PTPRD: variants seen among roughly 807,000 people sequenced by gnomAD.
PTPRD encodes receptor-type tyrosine-protein phosphatase delta.
In PTPRD, 34 loss-of-function variants were observed where a neutral mutation model predicts 214.5. That is an observed-to-expected ratio of 0.16 (90% CI 0.12 to 0.21). The LOEUF is 0.21. Among genes scored for constraint, PTPRD ranks in the 10% least tolerant of loss-of-function variants. The pLI, the probability that PTPRD is intolerant of heterozygous loss-of-function variation, is 1.00. For missense variants in PTPRD, 2,545 were observed against 2,398.7 expected (o/e 1.06, Z -1.27); for synonymous variants, 1,128 against 845.7 (o/e 1.33, Z -5.79).
intron 8 of PTPRD, among the ~76,000 whole-genome samples, chr9:9,398,705 T>G (rs1414600583): frequency 6.6e-6 from 1 of 152,038 alleles, no homozygotes. Flanking sequence ...CATTTTATTT[T>G]TATATTTTTT....
At chr9:9,778,887 A>AC (rs2098820672) in intron 5 of PTPRD, among the ~76,000 whole-genome samples, 1 of 151,864 alleles carries the variant, frequency 6.6e-6, no homozygotes. Flanking sequence ...ACCATAAAGA[A>AC]CCCCAATAGT....
chr9:9,496,858 A>G (rs1375957336), intron 8 of PTPRD, among the ~76,000 whole-genome samples: 1 of 152,348 alleles, frequency 6.6e-6, no homozygotes, highest in Non-Finnish European at 1.5e-5. Flanking sequence ...TCAAGTGTCC[A>G]TTGACGAATG....
At chr9:8,788,471 C>T (rs1004189893) in intron 11 of PTPRD, among the ~76,000 whole-genome samples, 5 of 151,860 alleles carry the variant, frequency 3.3e-5, no homozygotes, top group African/African-American at 1.2e-4. Flanking sequence ...GACGGGGTTT[C>T]TCCATGTTGG....
intron 14 of PTPRD, among the ~76,000 whole-genome samples, chr9:8,585,836 A>T (rs1055038421): frequency 6.6e-6 from 1 of 152,216 alleles, no homozygotes; most frequent in Non-Finnish European, 1.5e-5. Flanking sequence ...TCTATGAGGT[A>T]GACTATGTTC....
At chr9:8,942,359 C>G (rs545811843) in intron 11 of PTPRD, among the ~76,000 whole-genome samples, 2 of 152,278 alleles carry the variant, frequency 1.3e-5, no homozygotes, top group East Asian at 3.9e-4. Context: ...TCCACTGCTT[C>G]CCGTTTTACG....
At chr9:8,413,052 C>G (rs1289108303) in intron 35 of PTPRD, among the ~76,000 whole-genome samples, 2 of 152,150 alleles carry the variant, frequency 1.3e-5, no homozygotes, top group Non-Finnish European at 1.5e-5. Flanking sequence ...GATAAATCAT[C>G]TTCATTTTTA....
At chr9:10,386,199 G>A (rs2097911358) in intron 2 of PTPRD, among the ~76,000 whole-genome samples, 1 of 151,886 alleles carries the variant, frequency 6.6e-6, no homozygotes, top group African/African-American at 2.4e-5. Context: ...TTATATTTCT[G>A]ACTTATGGCA....
At chr9:10,106,553 A>C (rs1228750773) in intron 3 of PTPRD, among the ~76,000 whole-genome samples, 1 of 151,976 alleles carries the variant, frequency 6.6e-6, no homozygotes, top group Non-Finnish European at 1.5e-5. Context: ...AAAATGAAAC[A>C]AAACAAAAGT....
chr9:9,434,925 C>A (rs1194260306), intron 8 of PTPRD, among the ~76,000 whole-genome samples: 2 of 149,158 alleles, frequency 1.3e-5, no homozygotes, highest in Non-Finnish European at 3.0e-5. Context: ...TTTAAAGTAT[C>A]CTCTGTTTTC....
chr9:8,920,934 C>T (rs1356937737), intron 11 of PTPRD, among the ~76,000 whole-genome samples: 1 of 152,196 alleles, frequency 6.6e-6, no homozygotes, highest in Admixed American at 6.5e-5. Context: ...CTGCCTCAGC[C>T]TCCTGCGTAG....
intron 12 of PTPRD, chr9:8,700,992 C>T (rs989461949): frequency 3.3e-5 from 5 of 151,230 alleles, no homozygotes; most frequent in African/African-American, 1.2e-4. Flanking sequence ...GAATCCCCGT[C>T]TCTATTAAAA....
intron 3 of PTPRD, among the ~76,000 whole-genome samples, chr9:10,300,403 C>A (rs960577579): frequency 6.6e-6 from 1 of 152,110 alleles, no homozygotes; most frequent in African/African-American, 2.4e-5. Context: ...GGAATGCCAG[C>A]AAGACAGAAC....
chr9:9,106,126 T>G (rs2099798207), intron 10 of PTPRD, among the ~76,000 whole-genome samples: 1 of 152,124 alleles, frequency 6.6e-6, no homozygotes, highest in Admixed American at 6.6e-5. Flanking sequence ...GAAACCTTAC[T>G]CATCATTTTT....
At chr9:9,844,286 C>G (rs759575729) in intron 5 of PTPRD, among the ~76,000 whole-genome samples, 1 of 151,916 alleles carries the variant, frequency 6.6e-6, no homozygotes, top group Non-Finnish European at 1.5e-5. Context: ...CATCATCACC[C>G]ATGCTGTACA....
intron 33 of PTPRD, among the ~76,000 whole-genome samples, chr9:8,458,309 A>G (rs10122545): frequency 0.035 from 5,382 of 152,238 alleles, 324 homozygotes; most frequent in African/African-American, 0.12. Context: ...TTAGGGCTAT[A>G]ATCATATTTC....
chr9:8,590,832 T>G (rs2094039628), intron 14 of PTPRD, among the ~76,000 whole-genome samples: 1 of 152,202 alleles, frequency 6.6e-6, no homozygotes, highest in Admixed American at 6.5e-5. Context: ...TATAATTAGC[T>G]GTCACAAACT....
chr9:9,995,685 T>C (rs988550853), intron 4 of PTPRD, among the ~76,000 whole-genome samples: 6 of 152,178 alleles, frequency 3.9e-5, no homozygotes, highest in African/African-American at 1.4e-4. Context: ...GTCTGAATGA[T>C]TCTCTTTTAC....
chr9:9,505,781 C>T (rs958029580), intron 8 of PTPRD, among the ~76,000 whole-genome samples: 2 of 151,276 alleles, frequency 1.3e-5, no homozygotes, highest in Admixed American at 6.6e-5. Context: ...AGTGATAAAC[C>T]TTTTAAATTT....
chr9:9,706,391 G>A (rs1375300452), intron 7 of PTPRD, among the ~76,000 whole-genome samples: 1 of 150,918 alleles, frequency 6.6e-6, no homozygotes, highest in East Asian at 1.9e-4. Flanking sequence ...GAGTACTATT[G>A]TACTATTGTT....
Sources: gnomAD v4.1 joint callset for allele counts (sites outside exome capture counted in the v4.1 genomes callset) on GRCh38, gnomAD v4.1.1 for gene constraint, MANE v1.5 for transcripts, NCBI Gene and HGNC (gene_info 2026-07-23, HGNC 2026-07-21) for gene names.